Variants in OSBPL10 observed in about 807,000 individuals in gnomAD.
The protein encoded by OSBPL10 is oxysterol binding protein like 10, also known as oxysterol-binding protein-related protein 10.
OSBPL10 carries 49 observed loss-of-function variants against 81.7 expected under a neutral mutation model. The observed-to-expected ratio is 0.60, with a 90% confidence interval of 0.48 to 0.76. The LOEUF (loss-of-function observed/expected upper bound fraction) is 0.76. OSBPL10 is among the 30% of genes least tolerant of loss of function. OSBPL10 has a pLI of 0.00. For missense variants in OSBPL10, 923 were observed against 987.8 expected (o/e 0.93, Z 0.88); for synonymous variants, 419 against 383.6 (o/e 1.09, Z -1.08).
intron 4 of OSBPL10, among the ~76,000 whole-genome samples, chr3:31,811,302 G>T (rs906257665): frequency 1.3e-5 from 2 of 152,132 alleles, no homozygotes; most frequent in African/African-American, 2.4e-5. Flanking sequence ...GGAAGGGCGG[G>T]GCCCTTTGAT....
intron 1 of OSBPL10, among the ~76,000 whole-genome samples, chr3:31,939,144 C>CTTT (rs57544063): frequency 4.6e-5 from 3 of 65,296 alleles, no homozygotes; most frequent in Admixed American, 1.9e-4. Flanking sequence ...CTCTCTCATC[C>CTTT]TTTTTTTTTT....
At position 32,030,893 on chromosome 3, in the gene OSBPL10, C is replaced by T. The variant is rs1262942502; in HGVS notation, n.298+15598G>A. On this transcript the variant is annotated intron_variant and non_coding_transcript_variant, in intron 2 of 3. Coordinates refer to the OSBPL10 transcript ENST00000479173. The stretch of plus-strand genomic sequence containing the variant: ...TGAAAATAATTGAGGAGGCCGGGCG[C>T]GGTGGCTCACACCTGTAATCCCAGC... Among the ~76,000 whole-genome samples the T allele has an allele frequency of 5.9e-5, 9 of 152,142 alleles. No homozygotes were observed. In the East Asian group the frequency reaches 1.2e-3, roughly 20 times the overall value.
intron 1 of OSBPL10, among the ~76,000 whole-genome samples, chr3:31,953,117 AGAGACG>A (rs1697916858): frequency 6.6e-6 from 1 of 151,502 alleles, no homozygotes. Context: ...TATTTTTAGT[AGAGACG>A]GGGGTCTCAC....
intron 1 of OSBPL10, among the ~76,000 whole-genome samples, chr3:31,968,835 TC>T (rs769128935): frequency 6.6e-6 from 1 of 152,176 alleles, no homozygotes; most frequent in Non-Finnish European, 1.5e-5. Flanking sequence ...TGCAGACTTC[TC>T]ATAAAAAGAA....
intron 1 of OSBPL10, among the ~76,000 whole-genome samples, chr3:31,978,962 G>T (rs891763377): frequency 6.6e-6 from 1 of 152,114 alleles, no homozygotes; most frequent in African/African-American, 2.4e-5. Flanking sequence ...AATACAGACT[G>T]CAAGGTAAAA....
At chr3:31,799,359 T>C (rs1461242156) in intron 4 of OSBPL10, among the ~76,000 whole-genome samples, 2 of 94,654 alleles carry the variant, frequency 2.1e-5, no homozygotes, top group East Asian at 3.4e-4. Context: ...CTGAGCAACA[T>C]AGCAAGACCC....
At chr3:31,691,816 A>G (rs1695562620) in intron 7 of OSBPL10, among the ~76,000 whole-genome samples, 1 of 152,176 alleles carries the variant, frequency 6.6e-6, no homozygotes, top group Admixed American at 6.5e-5. Context: ...CCCAGTGCAA[A>G]CAAGCAAGCA....
intron 2 of OSBPL10, among the ~76,000 whole-genome samples, chr3:32,017,200 A>G (rs1699320604): frequency 1.3e-5 from 2 of 152,204 alleles, no homozygotes; most frequent in Non-Finnish European, 2.9e-5. Flanking sequence ...TGGAAACGCT[A>G]CGAGGCAAAT....
intron 4 of OSBPL10, among the ~76,000 whole-genome samples, chr3:31,801,195 T>G (rs1699369686): frequency 6.6e-6 from 1 of 152,104 alleles, no homozygotes; most frequent in African/African-American, 2.4e-5. Flanking sequence ...AAAGACTCTT[T>G]CTTTAGGCAG....
intron 1 of OSBPL10, among the ~76,000 whole-genome samples, chr3:31,956,470 G>T (rs1698010020): frequency 6.6e-6 from 1 of 152,232 alleles, no homozygotes; most frequent in African/African-American, 2.4e-5. Context: ...TGTAATCCCA[G>T]CATTTTGGGA....
At chr3:31,730,737 C>T (rs186506390) in intron 6 of OSBPL10, among the ~76,000 whole-genome samples, 14 of 152,304 alleles carry the variant, frequency 9.2e-5, no homozygotes, top group Admixed American at 2.6e-4. Context: ...CTTCAAAATG[C>T]GTTACTGTTT....
In OSBPL10 at chr3:31,750,865, A is replaced by G. The variant is rs971370228; in HGVS notation, c.730-2745T>C. On this transcript the variant is annotated intron_variant, in intron 4 of 11. Coordinates refer to ENST00000396556, the MANE Select transcript of OSBPL10 (RefSeq NM_017784.5). Reference sequence around the variant, plus strand: ...CAACAAAAAGAACTATATTCCAATTATACAGTATAGGATAATTATTATTTC... The same window carrying G: ...CAACAAAAAGAACTATATTCCAATTGTACAGTATAGGATAATTATTATTTC... Among the ~76,000 whole-genome samples the G allele has an allele frequency of 1.2e-4, 18 of 152,218 alleles. 2 individuals carry two copies. Among genetic ancestry groups the G allele is most frequent in the Admixed American group, 1.0e-3 (16 of 15,276 alleles).
intron 2 of OSBPL10, among the ~76,000 whole-genome samples, chr3:32,026,096 A>AGATAGATAGATAGATAGAT (rs1559551501): frequency 8.9e-5 from 8 of 90,338 alleles, no homozygotes; most frequent in African/African-American, 2.3e-4. Context: ...GATAGATGAT[A>AGATAGATAGATAGATAGAT]GATAGATAGA....
At chr3:31,930,455 T>A (rs1289399408) in intron 1 of OSBPL10, among the ~76,000 whole-genome samples, 2 of 152,210 alleles carry the variant, frequency 1.3e-5, no homozygotes, top group African/African-American at 2.4e-5. Flanking sequence ...TAGCTATTTC[T>A]ATTCTCAACA....
At position 31,900,400 on chromosome 3, in the gene OSBPL10, T is replaced by G. The variant is rs149447775; in HGVS notation, c.282-20570A>C. On this transcript the variant is annotated intron_variant, in intron 1 of 11. Coordinates refer to ENST00000396556, the MANE Select transcript of OSBPL10 (RefSeq NM_017784.5). ...TCTTGTTCTGCAGCCCTGTTCCTGA[T>G]AAAAGCTCCAACCCTTGGTCCCTTG... Among the ~76,000 whole-genome samples the G allele has an allele frequency of 8.5e-4, 129 of 152,304 alleles. 1 individual carries two copies. Among genetic ancestry groups the G allele is most frequent in the African/African-American group, 3.0e-3 (123 of 41,564 alleles).
At chr3:31,738,269 A>G (rs1453760585) in intron 5 of OSBPL10, among the ~76,000 whole-genome samples, 1 of 152,062 alleles carries the variant, frequency 6.6e-6, no homozygotes, top group Non-Finnish European at 1.5e-5. Context: ...ACACACACAA[A>G]AGTAGACAGA....
intron 4 of OSBPL10, among the ~76,000 whole-genome samples, chr3:31,748,870 A>G (rs1323218664): frequency 1.3e-5 from 2 of 152,192 alleles, no homozygotes; most frequent in Non-Finnish European, 2.9e-5. Context: ...AGAAAAGAAC[A>G]CAAGATCTAG....
At chr3:32,031,703 C>T (rs994369994) in intron 2 of OSBPL10, among the ~76,000 whole-genome samples, 1 of 152,162 alleles carries the variant, frequency 6.6e-6, no homozygotes, top group Non-Finnish European at 1.5e-5. Flanking sequence ...ATCCACCCAC[C>T]TCGGCCTCCC....
chr3:32,075,805 T>C (rs1467687516), intron 1 of OSBPL10, among the ~76,000 whole-genome samples: 1 of 152,228 alleles, frequency 6.6e-6, no homozygotes, highest in African/African-American at 2.4e-5. Context: ...AGCTAAGCCA[T>C]CATATCCCCT....
Sources: allele counts gnomAD v4.1 joint callset (sites outside exome capture counted in the v4.1 genomes callset), GRCh38; gene constraint gnomAD v4.1.1; transcripts MANE v1.5; gene names NCBI Gene and HGNC (gene_info 2026-07-23, HGNC 2026-07-21).